Variants in FUT9 observed in about 807,000 individuals in gnomAD.
FUT9 encodes 4-galactosyl-N-acetylglucosaminide 3-alpha-L-fucosyltransferase 9.
In FUT9, 15 loss-of-function variants were observed where a neutral mutation model predicts 29.7. The observed-to-expected ratio is 0.51, with a 90% confidence interval of 0.34 to 0.78. The LOEUF (loss-of-function observed/expected upper bound fraction) is 0.78. Ranked by LOEUF, FUT9 falls within the 30% of genes least tolerant of loss-of-function variation. FUT9 has a pLI of 0.01. For synonymous variants in FUT9, 169 were observed against 153.7 expected (o/e 1.10, Z -0.74); for missense variants, 319 against 425.4 (o/e 0.75, Z 2.20).
At chr6:96,065,529 A>G (rs1235184087) in intron 1 of FUT9, among the ~76,000 whole-genome samples, 1 of 152,152 alleles carries the variant, frequency 6.6e-6, no homozygotes, top group Non-Finnish European at 1.5e-5. Flanking sequence ...TGTGACCAGT[A>G]TGTTAATAAG....
At chr6:96,124,899 T>C (rs1224741056) in intron 2 of FUT9, among the ~76,000 whole-genome samples, 1 of 152,238 alleles carries the variant, frequency 6.6e-6, no homozygotes, top group Non-Finnish European at 1.5e-5. Context: ...TTCCAAATAA[T>C]GTCTCTATCT....
At chr6:96,038,354 G>T (rs1770399415) in intron 1 of FUT9, among the ~76,000 whole-genome samples, 1 of 152,102 alleles carries the variant, frequency 6.6e-6, no homozygotes, top group Admixed American at 6.6e-5. Context: ...GGCCATCTCA[G>T]GCTTCTATTA....
intron 2 of FUT9, among the ~76,000 whole-genome samples, chr6:96,132,942 A>ATTTG (rs1772274389): frequency 6.6e-6 from 1 of 151,676 alleles, no homozygotes; most frequent in African/African-American, 2.4e-5. Context: ...TTATTTATTT[A>ATTTG]TTTATTATTT....
At chr6:96,113,127 T>C (rs1016827686) in intron 1 of FUT9, among the ~76,000 whole-genome samples, 1 of 152,242 alleles carries the variant, frequency 6.6e-6, no homozygotes, top group Non-Finnish European at 1.5e-5. Context: ...ACTTTAAATA[T>C]ATTTGATTAT....
chr6:96,213,411 T>C lies in FUT9; in HGVS notation c.*9176T>C, dbSNP rs539964127. 9.7e-4 allele frequency: 162 copies of C among 166,984 alleles called. No homozygotes were observed. The highest frequency in any genetic ancestry group is 3.8e-3 in the African/African-American group (157 of 41,540). 10.3% of individuals were successfully genotyped at this position (166,984 alleles called of 1,614,324 possible). A position where few individuals can be genotyped will look rare whatever the true frequency, so the allele number is the denominator to read the frequency against. On this transcript the variant is annotated 3_prime_UTR_variant, in exon 3 of 3. Transcript: ENST00000302103. ...AAATGTGACAATTCTAGCCATTATG[T>C]GAATTGTAAGGGTCAGTAATCCATA...
At chr6:96,028,018 A>G (rs6925964) in intron 1 of FUT9, among the ~76,000 whole-genome samples, 5 of 151,590 alleles carry the variant, frequency 3.3e-5, no homozygotes, top group Admixed American at 3.3e-4. Flanking sequence ...AAAAGGTTGG[A>G]GTGAATCAAA....
intron 2 of FUT9, among the ~76,000 whole-genome samples, chr6:96,135,398 T>C (rs1772328562): frequency 6.6e-6 from 1 of 151,926 alleles, no homozygotes; most frequent in South Asian, 2.1e-4. Context: ...GAATGAGCAC[T>C]ACTTATTGGG....
intron 2 of FUT9, among the ~76,000 whole-genome samples, chr6:96,159,803 G>A (rs4621642): frequency 0.91 from 138,744 of 152,118 alleles, 64,635 homozygotes; most frequent in Non-Finnish European, 1. Flanking sequence ...TTCTAAACAC[G>A]TTGATTATTT....
intron 1 of FUT9, among the ~76,000 whole-genome samples, chr6:96,045,526 C>T (rs982662618): frequency 6.6e-6 from 1 of 152,016 alleles, no homozygotes. Context: ...AATTTTAAAC[C>T]AGACACTTTA....
chr6:96,099,159 C>T (rs1169081955), intron 1 of FUT9, among the ~76,000 whole-genome samples: 1 of 151,906 alleles, frequency 6.6e-6, no homozygotes, highest in Non-Finnish European at 1.5e-5. Context: ...ATAAAGTTCA[C>T]AATTTTCTCT....
chr6:96,095,592 G>A (rs887642008), intron 1 of FUT9, among the ~76,000 whole-genome samples: 7 of 152,256 alleles, frequency 4.6e-5, no homozygotes, highest in African/African-American at 1.7e-4. Context: ...CTTTCAGGAT[G>A]CTGTCATTTC....
chr6:96,043,694 T>C (rs1770509099), intron 1 of FUT9, among the ~76,000 whole-genome samples: 1 of 152,224 alleles, frequency 6.6e-6, no homozygotes, highest in Non-Finnish European at 1.5e-5. Context: ...GAATAGCATA[T>C]TATTTTTTAA....
chr6:96,102,946 A>G (rs1169794769), intron 1 of FUT9, among the ~76,000 whole-genome samples: 1 of 152,228 alleles, frequency 6.6e-6, no homozygotes, highest in Non-Finnish European at 1.5e-5. Context: ...AGAACTTTGA[A>G]GAGCTGACAG....
intron 2 of FUT9, among the ~76,000 whole-genome samples, chr6:96,182,892 C>A (rs886833273): frequency 4.6e-5 from 7 of 151,928 alleles, no homozygotes; most frequent in East Asian, 1.9e-4. Flanking sequence ...CAGATTTGTT[C>A]TTTTTGCTTA....
rs150719779 is a variant in FUT9 at position 96,211,426 on chromosome 6, A to T, written c.*7191A>T. ...AAAGAAAAAGGCCTAGCAATATTTAACAGTTTGACTTAATCCATCACTTCA... is the reference window on the plus strand; with the variant it reads ...AAAGAAAAAGGCCTAGCAATATTTATCAGTTTGACTTAATCCATCACTTCA... On this transcript the variant is annotated 3_prime_UTR_variant, in exon 3 of 3. Transcript: ENST00000302103. The T allele has an allele frequency of 3.2e-4, 54 of 167,012 alleles. 1 individual carries two copies. Among genetic ancestry groups the T allele is most frequent in the African/African-American group, 1.3e-3 (52 of 41,568 alleles). 10.3% of individuals were successfully genotyped at this position (167,012 alleles called of 1,614,324 possible).
chr6:96,017,105 A>G (rs559994094), intron 1 of FUT9, among the ~76,000 whole-genome samples: 1 of 152,358 alleles, frequency 6.6e-6, no homozygotes, highest in East Asian at 1.9e-4. Context: ...CAACAACACT[A>G]TCAAAAGCTC....
At chr6:96,128,935 C>A (rs1014618915) in intron 2 of FUT9, among the ~76,000 whole-genome samples, 1 of 151,672 alleles carries the variant, frequency 6.6e-6, no homozygotes, top group Non-Finnish European at 1.5e-5. Flanking sequence ...GATCAGCCTG[C>A]GCAACATGGT....
chr6:96,104,202 A>C (rs1771637307), intron 1 of FUT9, among the ~76,000 whole-genome samples: 1 of 152,226 alleles, frequency 6.6e-6, no homozygotes, highest in Admixed American at 6.5e-5. Flanking sequence ...AGTAAACTCA[A>C]GGCCAAGGTT....
At chr6:96,046,175 A>G (rs1770560393) in intron 1 of FUT9, among the ~76,000 whole-genome samples, 1 of 151,212 alleles carries the variant, frequency 6.6e-6, no homozygotes, top group African/African-American at 2.4e-5. Context: ...ACTAGGACCC[A>G]AAAGGGGAAA....
Sources: allele counts gnomAD v4.1 joint callset (sites outside exome capture counted in the v4.1 genomes callset), GRCh38; gene constraint gnomAD v4.1.1; transcripts MANE v1.5; gene names NCBI Gene and HGNC (gene_info 2026-07-23, HGNC 2026-07-21).